Variants in ZFP1 observed in about 807,000 individuals in gnomAD.
ZFP1 encodes the protein zinc finger protein 1 homolog.
Under a neutral mutation model 38.5 loss-of-function variants are expected in ZFP1, and 32 were observed. The observed-to-expected ratio is 0.83, with a 90% CI of 0.63 to 1.12. The LOEUF is 1.12. Among genes scored for constraint, ZFP1 ranks in the 50% most tolerant of loss-of-function variants. The pLI, the probability that ZFP1 is intolerant of heterozygous loss-of-function variation, is 0.00. For missense variants in ZFP1, 616 were observed against 480.8 expected, an observed-to-expected ratio of 1.28 and a Z score of -2.63; for synonymous variants, 245 against 168.8, an observed-to-expected ratio of 1.45 and a Z score of -3.50.
At chr16:75,126,402 C>G in the ZFP1 span, 6 of 151,720 alleles carry the variant, frequency 4.0e-5, no homozygotes, top group African/African-American at 1.5e-4. Flanking sequence ...CCCACCTCAG[C>G]CTTGCAAAGT....
intron 2 of ZFP1, among the ~76,000 whole-genome samples, chr16:75,154,573 G>GTT (rs33986637): frequency 2.2e-4 from 25 of 111,252 alleles, no homozygotes; most frequent in South Asian, 6.3e-4. Flanking sequence ...ATGAATGAGA[G>GTT]TTTTTTTTTT....
At position 75,169,650 on chromosome 16, in the gene ZFP1, G is replaced by C; in HGVS notation, c.540G>C (p.Leu180Phe). Residue 180 changes from leucine (L) to phenylalanine (F), a missense_variant, in exon 4 of 4, where the codon TTG becomes TTC. Coordinates refer to ENST00000570010, the MANE Select transcript of ZFP1 (RefSeq NM_153688.4). Reference protein sequence around the residue: ...AIFKHQKIKNLVQPFICTYCD... With the variant: ...AIFKHQKIKNFVQPFICTYCD... ...TTAAACATCAGAAAATAAAAAACTT[G>C]GTTCAACCTTTCATTTGTACTTACT... 2 of 1,597,482 alleles carry C rather than the reference G, an allele frequency of 1.3e-6. No homozygotes were observed. Among genetic ancestry groups the C allele is most frequent in the Non-Finnish European group, 1.7e-6 (2 of 1,175,444 alleles).
chr16:75,129,655 T>A, the ZFP1 span, among the ~76,000 whole-genome samples: 1 of 152,220 alleles, frequency 6.6e-6, no homozygotes, highest in Admixed American at 6.5e-5. Flanking sequence ...ATCTGACATA[T>A]GTTGATTGAT....
chr16:75,169,813 A>C lies in ZFP1; in HGVS notation c.703A>C (p.Thr235Pro). 1 of 1,614,168 alleles carries C rather than the reference A, an allele frequency of 6.2e-7. No individual in the cohort carries two copies. Residue 235 changes from threonine (T) to proline (P), a missense_variant, in exon 4 of 4, where the codon ACT becomes CCT. Thr to Pro is a conservative substitution (Grantham distance 38). Transcript: ENST00000570010. ...CCTCATCAAACATCAGAGAATTCAC[A>C]CTGGGGAGAAACCTTTCGAGTGTCC... ...ANLIKHQRIH[T>P]GEKPFECPEC...
At chr16:75,152,995 C>G in intron 2 of ZFP1, 29 bp downstream of exon 2, 1 of 1,612,744 alleles carries the variant, frequency 6.2e-7, no homozygotes, top group Non-Finnish European at 8.5e-7. Flanking sequence ...CCCCATTTTG[C>G]TTTTCAGTGC....
intron 2 of ZFP1, among the ~76,000 whole-genome samples, chr16:75,164,066 T>G (rs1226901073): frequency 6.6e-6 from 1 of 152,224 alleles, no homozygotes; most frequent in African/African-American, 2.4e-5. Context: ...TTGGGTCATG[T>G]TATGTGCATT....
chr16:75,170,277 T>C lies in ZFP1; in HGVS notation c.1167T>C (p.Phe389=). The C allele has an allele frequency of 1.9e-6, 3 of 1,611,554 alleles. No individual in the cohort carries two copies. Among genetic ancestry groups the C allele is most frequent in the Non-Finnish European group, 1.7e-6 (2 of 1,178,540 alleles). ...AGTGTTCCGAATGTGGGAAGGCCTT[T>C]AGCAGGAAGTCCCGACTCAGTGTCC... The part of the protein sequence containing the change: ...PYECSECGKA[F]SRKSRLSVHQ... Residue 389 remains phenylalanine, a synonymous_variant, in exon 4 of 4, where the codon TTT becomes TTC. Transcript: ENST00000570010.
the ZFP1 span, among the ~76,000 whole-genome samples, chr16:75,139,123 A>T: frequency 1.3e-5 from 2 of 152,100 alleles, no homozygotes; most frequent in African/African-American, 4.8e-5. Flanking sequence ...TAATCCCAGC[A>T]CTTTGGGAGG....
At chr16:75,130,686 C>T in the ZFP1 span, among the ~76,000 whole-genome samples, 1 of 152,164 alleles carries the variant, frequency 6.6e-6, no homozygotes, top group Non-Finnish European at 1.5e-5. Flanking sequence ...ACTGCCTGAC[C>T]ATCACCTGAG....
At chr16:75,166,296 A>G (rs1425908246) in intron 2 of ZFP1, among the ~76,000 whole-genome samples, 1 of 152,312 alleles carries the variant, frequency 6.6e-6, no homozygotes, top group East Asian at 1.9e-4. Context: ...ATAGTGGTGC[A>G]GTCTTGGCTC....
chr16:75,126,526 C>G, the ZFP1 span, among the ~76,000 whole-genome samples: 3 of 152,172 alleles, frequency 2.0e-5, no homozygotes, highest in Non-Finnish European at 4.4e-5. Flanking sequence ...GCCTCAGCCT[C>G]CTGGGTGGCT....
At chr16:75,153,863 C>G (rs990535590) in intron 2 of ZFP1, among the ~76,000 whole-genome samples, 1 of 152,198 alleles carries the variant, frequency 6.6e-6, no homozygotes, top group Non-Finnish European at 1.5e-5. Flanking sequence ...CTCTGTCTCC[C>G]TAAGTCCCTA....
At chr16:75,120,837 G>A in the ZFP1 span, among the ~76,000 whole-genome samples, 1 of 152,076 alleles carries the variant, frequency 6.6e-6, no homozygotes, top group African/African-American at 2.4e-5. Context: ...GTGTTAGCCA[G>A]GATGGTCTCG....
intron 3 of ZFP1, among the ~76,000 whole-genome samples, chr16:75,167,541 C>G (rs987940800): frequency 6.6e-6 from 1 of 152,130 alleles, no homozygotes; most frequent in East Asian, 1.9e-4. Flanking sequence ...TAGGTTGATT[C>G]CATGTCTTTG....
chr16:75,151,888 G>A (rs960353993), intron 1 of ZFP1, among the ~76,000 whole-genome samples: 16 of 151,926 alleles, frequency 1.1e-4, no homozygotes, highest in Non-Finnish European at 1.6e-4. Context: ...TAATGAATTC[G>A]CTATGTTTTT....
At chr16:75,121,826 TAATA>T in the ZFP1 span, among the ~76,000 whole-genome samples, 5 of 152,210 alleles carry the variant, frequency 3.3e-5, no homozygotes, top group East Asian at 7.7e-4. Flanking sequence ...GTAAAATTAT[TAATA>T]AATAAGCTAG....
intron 3 of ZFP1, among the ~76,000 whole-genome samples, chr16:75,168,798 A>G (rs2038246348): frequency 6.6e-6 from 1 of 152,194 alleles, no homozygotes. Flanking sequence ...GTTCTACCAT[A>G]GTAGTCCGAG....
intron 1 of ZFP1, chr16:75,148,984 C>A (rs1036168631): frequency 2.6e-5 from 4 of 151,594 alleles, no homozygotes; most frequent in Non-Finnish European, 5.9e-5. Context: ...GCGCGCGGGA[C>A]GAGGCCCCGC....
chr16:75,135,392 C>T, the ZFP1 span, among the ~76,000 whole-genome samples: 1 of 152,110 alleles, frequency 6.6e-6, no homozygotes, highest in Non-Finnish European at 1.5e-5. Flanking sequence ...TGATAGAAGT[C>T]AGTCTCAAAA....
Sources: allele counts gnomAD v4.1 joint callset (sites outside exome capture counted in the v4.1 genomes callset), GRCh38; gene constraint gnomAD v4.1.1; transcripts MANE v1.5; gene names NCBI Gene and HGNC (gene_info 2026-07-23, HGNC 2026-07-21).